Variants in NAA25 observed in about 807,000 individuals in gnomAD.
NAA25 encodes the protein N-terminal acetyltransferase B complex subunit NAA25.
Under a neutral mutation model 132.5 loss-of-function variants are expected in NAA25, and 30 were observed. The ratio of observed to expected loss-of-function variants is 0.23; its 90% CI spans 0.17 to 0.31. The LOEUF (loss-of-function observed/expected upper bound fraction) is 0.31, where lower values mean the gene tolerates loss of function less well. NAA25 is among the 10% of genes least tolerant of loss of function. NAA25 has a pLI of 1.00. For synonymous variants in NAA25, 359 were observed against 401.9 expected, an observed-to-expected ratio of 0.89 and a Z score of 1.28; for missense variants, 771 against 1,150.4, an observed-to-expected ratio of 0.67 and a Z score of 4.77.
chr12:112,077,766 G>A (rs2078914556), intron 7 of NAA25, among the ~76,000 whole-genome samples: 1 of 151,886 alleles, frequency 6.6e-6, no homozygotes, highest in Non-Finnish European at 1.5e-5. Flanking sequence ...CCTGACTAGA[G>A]GGGCATTAAT....
chr12:112,076,113 C>T (rs2078892603), intron 7 of NAA25, among the ~76,000 whole-genome samples: 1 of 152,100 alleles, frequency 6.6e-6, no homozygotes, highest in Non-Finnish European at 1.5e-5. Flanking sequence ...AAACTCCTGA[C>T]CTCAGGTGAT....
intron 11 of NAA25, chr12:112,064,330 A>G (rs1208572441): frequency 3.3e-5 from 5 of 152,362 alleles, no homozygotes; most frequent in Non-Finnish European, 5.9e-5. Flanking sequence ...GGTTCAAGCG[A>G]TTCTCTTGCT....
chr12:112,061,636 A>C (rs1174579630), intron 11 of NAA25, among the ~76,000 whole-genome samples: 1 of 152,254 alleles, frequency 6.6e-6, no homozygotes, highest in Non-Finnish European at 1.5e-5. Context: ...ATTTGTCAAT[A>C]CCACGTACTA....
intron 20 of NAA25, among the ~76,000 whole-genome samples, chr12:112,041,255 T>C (rs372343641): frequency 2.0e-5 from 3 of 151,764 alleles, no homozygotes; most frequent in African/African-American, 7.3e-5. Flanking sequence ...TGGCGCTATC[T>C]CAGCTCACTG....
intron 17 of NAA25, among the ~76,000 whole-genome samples, chr12:112,044,248 A>G (rs1014641736): frequency 2.0e-5 from 3 of 151,754 alleles, no homozygotes; most frequent in Non-Finnish European, 2.9e-5. Context: ...ATTTAAAGTT[A>G]ACTTTCACCA....
intron 4 of NAA25, among the ~76,000 whole-genome samples, chr12:112,084,606 T>C (rs868158659): frequency 6.6e-6 from 1 of 151,472 alleles, no homozygotes; most frequent in African/African-American, 2.4e-5. Flanking sequence ...CTGGCCAGCA[T>C]GGTGAAACCC....
At chr12:112,029,749 G>A (rs2078125244) in intron 23 of NAA25, 96 bp from the exon 24 acceptor site, 2 of 1,512,014 alleles carry the variant, frequency 1.3e-6, no homozygotes, top group Middle Eastern at 1.8e-4. Context: ...ATTACCTTTG[G>A]TCTCATTGCA....
chr12:112,048,184 TCCCCC>T (rs1198285640), intron 16 of NAA25, 103 bp downstream of exon 16: 21 of 1,060,552 alleles, frequency 2.0e-5, no homozygotes, highest in Admixed American at 1.8e-4. Context: ...CTCCCTTTTT[TCCCCC>T]TATTTTACCT....
At chr12:112,032,857 C>CT (rs1394119536) in intron 23 of NAA25, among the ~76,000 whole-genome samples, 1 of 152,154 alleles carries the variant, frequency 6.6e-6, no homozygotes, top group Non-Finnish European at 1.5e-5. Flanking sequence ...AGCATTTCTC[C>CT]TTTCTCAGGT....
At chr12:112,039,605 A>T (rs1035321077) in intron 21 of NAA25, 10 of 249,200 alleles carry the variant, frequency 4.0e-5, no homozygotes, top group African/African-American at 2.0e-4. Context: ...CTTCACTCCA[A>T]TTTTCTGTCA....
chr12:112,036,318 C>T (rs529423298), intron 22 of NAA25, among the ~76,000 whole-genome samples: 56 of 152,200 alleles, frequency 3.7e-4, no homozygotes, highest in African/African-American at 1.2e-3. Context: ...AAAAGAATTG[C>T]AAAACATTTG....
Position 112,090,871 on chromosome 12 carries a change from G to A in NAA25, c.145-7C>T. The A allele has an allele frequency of 6.3e-7, 1 of 1,583,220 alleles. No homozygotes were observed. Among genetic ancestry groups the A allele is most frequent in the South Asian group, 1.2e-5 (1 of 85,654 alleles). On this transcript the variant is annotated splice_polypyrimidine_tract_variant and splice_region_variant and intron_variant, in intron 2 of 23. Transcript: ENST00000261745. ...AACCAATTGCCTTTAAAACCTGATAGCAACAAAAGAAAAATCAGTTTTTAA... is the reference window on the plus strand; with the variant it reads ...AACCAATTGCCTTTAAAACCTGATAACAACAAAAGAAAAATCAGTTTTTAA...
intron 1 of NAA25, among the ~76,000 whole-genome samples, chr12:112,095,810 T>C (rs1304311875): frequency 6.6e-6 from 1 of 152,008 alleles, no homozygotes; most frequent in Non-Finnish European, 1.5e-5. Flanking sequence ...AAATCATCAG[T>C]GGTTGACAGA....
chr12:112,093,678 G>A (rs2079170669), intron 1 of NAA25, among the ~76,000 whole-genome samples: 3 of 152,248 alleles, frequency 2.0e-5, no homozygotes, highest in East Asian at 3.9e-4. Context: ...CCAGGAATTC[G>A]AGACCAGCTC....
At chr12:112,050,496 T>G (rs1468059402) in intron 15 of NAA25, among the ~76,000 whole-genome samples, 3 of 151,820 alleles carry the variant, frequency 2.0e-5, no homozygotes, top group African/African-American at 7.3e-5. Context: ...ACCTAGAGAT[T>G]ATATTTTCTT....
chr12:112,052,532 C>T (rs1593768888), intron 15 of NAA25, among the ~76,000 whole-genome samples: 1 of 152,164 alleles, frequency 6.6e-6, no homozygotes, highest in East Asian at 1.9e-4. Context: ...TACTCCAGCC[C>T]TCTAGGCCAT....
At chr12:112,087,169 T>C (rs1039166626) in intron 4 of NAA25, among the ~76,000 whole-genome samples, 4 of 152,146 alleles carry the variant, frequency 2.6e-5, no homozygotes, top group Non-Finnish European at 5.9e-5. Context: ...ATCTACAATA[T>C]GGTAGCTGCC....
At chr12:112,081,812 T>C (rs1255022380) in intron 4 of NAA25, among the ~76,000 whole-genome samples, 1 of 152,146 alleles carries the variant, frequency 6.6e-6, no homozygotes, top group East Asian at 1.9e-4. Context: ...CCAATCTAAT[T>C]CAAAAATTAC....
intron 19 of NAA25, among the ~76,000 whole-genome samples, chr12:112,042,537 C>T (rs2078315924): frequency 6.7e-6 from 1 of 150,234 alleles, no homozygotes; most frequent in African/African-American, 2.4e-5. Flanking sequence ...GACAAAGTCT[C>T]GCTCTATCAT....
Sources: allele counts gnomAD v4.1 joint callset (sites outside exome capture counted in the v4.1 genomes callset), GRCh38; gene constraint gnomAD v4.1.1; transcripts MANE v1.5; gene names NCBI Gene and HGNC (gene_info 2026-07-23, HGNC 2026-07-21).